Variants in GSDME observed in about 807,000 individuals in gnomAD.
GSDME encodes the protein gasdermin E, also known as gasdermin-E.
In GSDME, 44 loss-of-function variants were observed where a neutral mutation model predicts 47.5. The ratio of observed to expected loss-of-function variants is 0.93; its 90% CI spans 0.73 to 1.19. GSDME has a LOEUF of 1.19. Among genes scored for constraint, GSDME ranks in the 50% most tolerant of loss-of-function variants. The probability of loss-of-function intolerance (pLI) is 0.00; values close to 1 mark genes in which losing one functional copy is unlikely to be tolerated. For missense variants in GSDME, 663 were observed against 604.2 expected, an observed-to-expected ratio of 1.10 and a Z score of -1.02; for synonymous variants, 258 against 252.8, an observed-to-expected ratio of 1.02 and a Z score of -0.20.
At chr7:24,747,966 C>G (rs1378966221) in intron 2 of GSDME, among the ~76,000 whole-genome samples, 1 of 151,896 alleles carries the variant, frequency 6.6e-6, no homozygotes, top group Non-Finnish European at 1.5e-5. Flanking sequence ...CTGCACCCAG[C>G]CCCAACATTA....
At chr7:24,752,293 A>G (rs1030712884) in intron 1 of GSDME, among the ~76,000 whole-genome samples, 3 of 152,182 alleles carry the variant, frequency 2.0e-5, no homozygotes, top group African/African-American at 7.2e-5. Flanking sequence ...AGCATTCCAG[A>G]GTGGAGAAGG....
the GSDME span, among the ~76,000 whole-genome samples, chr7:24,764,191 T>C: frequency 1.3e-5 from 2 of 152,194 alleles, no homozygotes; most frequent in Non-Finnish European, 2.9e-5. This position sits in a 1 kb window ranked among gnomAD's most constrained non-coding sequence, Gnocchi z 4.4. Flanking sequence ...AAAAAGCAAT[T>C]TGGCAAGGAA....
At chr7:24,773,508 T>G in the GSDME span, among the ~76,000 whole-genome samples, 1 of 152,186 alleles carries the variant, frequency 6.6e-6, no homozygotes, top group African/African-American at 2.4e-5. The surrounding 1 kb of genome is among the most constrained non-coding windows in gnomAD (Gnocchi z 5.4). Context: ...ATCTACCAAT[T>G]TGATATCAGT....
At chr7:24,700,832 C>G (rs987190217) in intron 9 of GSDME, among the ~76,000 whole-genome samples, 1 of 152,230 alleles carries the variant, frequency 6.6e-6, no homozygotes, top group Non-Finnish European at 1.5e-5. Context: ...TGGAGACTGT[C>G]AACAGCATGG....
At chr7:24,707,808 C>T (rs1442593363) in intron 7 of GSDME, 2 of 530,638 alleles carry the variant, frequency 3.8e-6, no homozygotes, top group African/African-American at 1.9e-5. Context: ...GCAGAATTCT[C>T]TCCTAGATCC....
chr7:24,708,464 GAA>G (rs1471326335), intron 6 of GSDME, among the ~76,000 whole-genome samples: 2 of 152,160 alleles, frequency 1.3e-5, no homozygotes, highest in Admixed American at 1.3e-4. Flanking sequence ...GAGAGAGAGA[GAA>G]AGAGGGAAGC....
the GSDME span, among the ~76,000 whole-genome samples, chr7:24,782,217 T>G: frequency 6.0e-5 from 4 of 66,786 alleles, no homozygotes; most frequent in Non-Finnish European, 1.2e-4. Context: ...CCCTCCCCCC[T>G]CCCCCCACCC....
rs145130834 is a variant in GSDME at position 24,717,507 on chromosome 7, G to GAGCC, written c.577-137_577-134dup. The GAGCC allele has an allele frequency of 1.4e-3, 1,936 of 1,415,550 alleles. 16 individuals carry two copies. In the African/African-American group the frequency reaches 0.022, roughly 16 times the overall value. 87.7% of individuals were successfully genotyped at this position (1,415,550 alleles called of 1,614,324 possible). On this transcript the variant is annotated intron_variant, in intron 4 of 9. Coordinates refer to ENST00000645220, the MANE Select transcript of GSDME (RefSeq NM_001127453.2). ...GTCCACAGAACCGAGTGGAACAGAG[G>GAGCC]AGCCAGCCAGCATGGGGGATGGGGG...
chr7:24,764,825 G>T, the GSDME span, among the ~76,000 whole-genome samples: 3 of 152,188 alleles, frequency 2.0e-5, no homozygotes. The surrounding 1 kb of genome is among the most constrained non-coding windows in gnomAD (Gnocchi z 4.4). Context: ...TTGATAAATG[G>T]TAGCTATGAT....
At chr7:24,740,663 C>T (rs1029968293) in intron 3 of GSDME, among the ~76,000 whole-genome samples, 16 of 151,434 alleles carry the variant, frequency 1.1e-4, no homozygotes, top group African/African-American at 3.2e-4. Flanking sequence ...TATATATTTA[C>T]GTAAATATAT....
chr7:24,706,221 C>T lies in GSDME; in HGVS notation c.1146G>A (p.Leu382=), dbSNP rs769067248. ...TGACCAAGAAGTAGGCTGTCATAAA[C>T]AGCTGCTTGCTGCCTGCATCCTCGG... ...PGPEDAGSKQ[L]FMTAYFLVSA... is the part of the protein sequence containing the mutation. Residue 382 remains leucine, a synonymous_variant, in exon 8 of 10, where the codon CTG becomes CTA. Coordinates refer to ENST00000645220, the MANE Select transcript of GSDME (RefSeq NM_001127453.2). The T allele has an allele frequency of 4.3e-6, 7 of 1,614,246 alleles. No individual in the cohort carries two copies. Among genetic ancestry groups the T allele is most frequent in the Non-Finnish European group, 5.9e-6 (7 of 1,180,040 alleles).
chr7:24,719,439 T>G (rs1789693792), intron 3 of GSDME, among the ~76,000 whole-genome samples: 1 of 152,120 alleles, frequency 6.6e-6, no homozygotes, highest in Non-Finnish European at 1.5e-5. Context: ...CCAGGCTAGA[T>G]GCCAGAGGGA....
chr7:24,717,433 C>G (rs1011977985), intron 4 of GSDME, 59 bp from the exon 5 acceptor site: 3 of 1,612,896 alleles, frequency 1.9e-6, no homozygotes, highest in Non-Finnish European at 2.5e-6. Flanking sequence ...CTGCTCTGTT[C>G]CCCACTGCAG....
At chr7:24,790,296 T>C in the GSDME span, among the ~76,000 whole-genome samples, 1 of 152,246 alleles carries the variant, frequency 6.6e-6, no homozygotes, top group African/African-American at 2.4e-5. The surrounding 1 kb of genome is among the most constrained non-coding windows in gnomAD (Gnocchi z 4.1). Flanking sequence ...GGTGAGCATG[T>C]AAATGGGGGT....
intron 8 of GSDME, 171 bp downstream of exon 8, chr7:24,706,008 CCGAAG>C (rs575661820): frequency 0.058 from 45,359 of 780,286 alleles, 1,639 homozygotes; most frequent in African/African-American, 0.12. Flanking sequence ...AGACTCGAGA[CCGAAG>C]GGGGGTTTCC....
chr7:24,732,523 G>A lies in GSDME; in HGVS notation c.404+12039C>T, dbSNP rs1215039871. On this transcript the variant is annotated intron_variant, in intron 3 of 9. Transcript: ENST00000645220. The surrounding 1 kb of genome is among the most constrained non-coding windows in gnomAD (Gnocchi z 4.8). ...TTTTGACTTCATTTTGCTGAAAGAG[G>A]CACTGAAGAGGGTAGGAAAGGCAGT... 6.6e-6 allele frequency among the ~76,000 whole-genome samples: 1 copy of A among 152,216 alleles called. No homozygotes were observed. The highest frequency in any genetic ancestry group is 1.5e-5 in the Non-Finnish European group (1 of 68,042).
chr7:24,784,556 A>G, the GSDME span, among the ~76,000 whole-genome samples: 1 of 151,996 alleles, frequency 6.6e-6, no homozygotes, highest in African/African-American at 2.4e-5. Flanking sequence ...AGCAAGAGAG[A>G]AAGATGAGAG....
the GSDME span, among the ~76,000 whole-genome samples, chr7:24,790,131 G>T: frequency 3.9e-5 from 6 of 152,136 alleles, no homozygotes; most frequent in Non-Finnish European, 7.4e-5. The surrounding 1 kb of genome is among the most constrained non-coding windows in gnomAD (Gnocchi z 4.1). Context: ...ACAGCAATTA[G>T]TAACCCCTCC....
At position 24,699,060 on chromosome 7, in the gene GSDME, T is replaced by G. The variant is rs565886081; in HGVS notation, c.1457A>C (p.Asn486Thr). The change falls in exon 10 of 10, where the codon AAT becomes ACT. Residue 486 changes from asparagine (N) to threonine (T), a missense_variant. Coordinates refer to ENST00000645220, the MANE Select transcript of GSDME (RefSeq NM_001127453.2). ...TTCTCTGCCTAAAGCACAGAGTCCA[T>G]TCAGGGTTATACAAAGAAGCAGTGG... ...VFPLLLCITL[N>T]GLCALGREHS The G allele has an allele frequency of 6.2e-7, 1 of 1,613,970 alleles. No homozygotes were observed. The highest frequency in any genetic ancestry group is 8.5e-7 in the Non-Finnish European group (1 of 1,179,864).
Sources: allele counts gnomAD v4.1 joint callset (sites outside exome capture counted in the v4.1 genomes callset), GRCh38; gene constraint gnomAD v4.1.1; non-coding constraint Gnocchi (gnomAD v3.1); transcripts MANE v1.5; gene names NCBI Gene and HGNC (gene_info 2026-07-23, HGNC 2026-07-21).